SLC7A14: variants seen among roughly 807,000 people sequenced by gnomAD.
The protein encoded by SLC7A14 is gamma-aminobutyric acid transporter SLC7A14.
Under a neutral mutation model 60.2 loss-of-function variants are expected in SLC7A14, and 37 were observed. The observed-to-expected ratio is 0.61, with a 90% CI of 0.47 to 0.81. SLC7A14 has a LOEUF of 0.81. Ranked by LOEUF, SLC7A14 falls within the 30% of genes least tolerant of loss-of-function variation. The pLI, the probability that SLC7A14 is intolerant of heterozygous loss-of-function variation, is 0.00. For synonymous variants in SLC7A14, 399 were observed against 395.8 expected (o/e 1.01, Z -0.10); for missense variants, 886 against 982.7 (o/e 0.90, Z 1.32).
intron 2 of SLC7A14, among the ~76,000 whole-genome samples, chr3:170,506,467 C>T (rs573670614): frequency 2.6e-5 from 4 of 152,242 alleles, no homozygotes; most frequent in South Asian, 2.1e-4. Context: ...GGGAGATTCT[C>T]GATTTGCAAT....
At chr3:170,541,695 G>A (rs1480913198) in intron 1 of SLC7A14, among the ~76,000 whole-genome samples, 3 of 152,138 alleles carry the variant, frequency 2.0e-5, no homozygotes, top group African/African-American at 7.2e-5. Context: ...TCTTCTAAAG[G>A]CAGTATGGTA....
At chr3:170,497,288 GT>G (rs1311543573) in intron 4 of SLC7A14, among the ~76,000 whole-genome samples, 1 of 152,104 alleles carries the variant, frequency 6.6e-6, no homozygotes, top group Non-Finnish European at 1.5e-5. Flanking sequence ...CTTCTTTTGG[GT>G]TTAAGCAGTT....
chr3:170,566,423 A>G (rs933271129), intron 1 of SLC7A14, among the ~76,000 whole-genome samples: 2 of 152,192 alleles, frequency 1.3e-5, no homozygotes, highest in African/African-American at 4.8e-5. Context: ...AGTGATATGG[A>G]TGGTTAAACA....
In SLC7A14 at chr3:170,462,296, T is replaced by C. The variant is rs559053393; in HGVS notation, c.*4759A>G. The C allele has an allele frequency of 1.3e-5, 2 of 152,304 alleles. No individual in the cohort carries two copies. The highest frequency in any genetic ancestry group is 2.1e-4 in the South Asian group (1 of 4,822). 9.4% of individuals were successfully genotyped at this position (152,304 alleles called of 1,614,324 possible). A position where few individuals can be genotyped will look rare whatever the true frequency, so the allele number is the denominator to read the frequency against. On this transcript the variant is annotated 3_prime_UTR_variant, in exon 8 of 8. Transcript: ENST00000231706. ...AGATAAGAGGTGGTTTCTTGTAAGGTAGACTTCCAACAAATGTTGGATGTC... is the reference window on the plus strand; with the variant it reads ...AGATAAGAGGTGGTTTCTTGTAAGGCAGACTTCCAACAAATGTTGGATGTC...
chr3:170,526,357 A>G (rs1352388376), intron 2 of SLC7A14, among the ~76,000 whole-genome samples: 3 of 149,696 alleles, frequency 2.0e-5, no homozygotes, highest in Non-Finnish European at 3.0e-5. Context: ...AGCTGAGATC[A>G]TGCCACTGCA....
intron 1 of SLC7A14, among the ~76,000 whole-genome samples, chr3:170,556,810 A>G (rs1320018452): frequency 6.6e-6 from 1 of 152,186 alleles, no homozygotes; most frequent in East Asian, 1.9e-4. Flanking sequence ...CCATAGACAG[A>G]CACAGACACA....
At chr3:170,487,501 T>C (rs1329335230) in intron 4 of SLC7A14, among the ~76,000 whole-genome samples, 9 of 152,088 alleles carry the variant, frequency 5.9e-5, no homozygotes, top group Admixed American at 5.9e-4. Context: ...TTTTCTTTTC[T>C]CCACATTCAG....
chr3:170,465,811 T>C lies in SLC7A14; in HGVS notation c.*1244A>G, dbSNP rs1739703523. 6.6e-6 allele frequency: 1 copy of C among 152,216 alleles called. No homozygotes were observed. The highest frequency in any genetic ancestry group is 1.5e-5 in the Non-Finnish European group (1 of 68,034). 9.4% of individuals were successfully genotyped at this position (152,216 alleles called of 1,614,324 possible). On this transcript the variant is annotated 3_prime_UTR_variant, in exon 8 of 8. Coordinates refer to ENST00000231706, the MANE Select transcript of SLC7A14 (RefSeq NM_020949.3). ...GTAGCCCATGTGTGTTTTTTTCCTT[T>C]GCAAATTCTCTCATCTATTCTATTT...
intron 1 of SLC7A14, among the ~76,000 whole-genome samples, chr3:170,575,660 T>C (rs1715068552): frequency 6.6e-6 from 1 of 152,244 alleles, no homozygotes; most frequent in South Asian, 2.1e-4. Context: ...CAAAATGCTA[T>C]GAACTGAGAG....
chr3:170,540,031 G>A (rs975168838), intron 1 of SLC7A14, among the ~76,000 whole-genome samples: 4 of 152,144 alleles, frequency 2.6e-5, no homozygotes, highest in Non-Finnish European at 4.4e-5. Flanking sequence ...TGATAACTGA[G>A]ATGGCCACCA....
intron 1 of SLC7A14, among the ~76,000 whole-genome samples, chr3:170,550,297 A>G (rs561789200): frequency 8.5e-5 from 13 of 152,146 alleles, no homozygotes; most frequent in Non-Finnish European, 1.5e-4. Context: ...AGTAAAAAAT[A>G]CTCTTTAAGC....
intron 1 of SLC7A14, among the ~76,000 whole-genome samples, chr3:170,571,090 A>T (rs943476949): frequency 5.9e-5 from 9 of 152,196 alleles, no homozygotes; most frequent in African/African-American, 1.9e-4. Context: ...ACTCTCTTAA[A>T]CTAAACAAAA....
intron 2 of SLC7A14, among the ~76,000 whole-genome samples, chr3:170,525,651 G>A (rs757564146): frequency 5.9e-5 from 9 of 151,982 alleles, no homozygotes; most frequent in Non-Finnish European, 1.2e-4. Flanking sequence ...CCCTCAAGAG[G>A]ATTGACCTAT....
At chr3:170,553,871 T>A (rs1370347024) in intron 1 of SLC7A14, among the ~76,000 whole-genome samples, 1 of 151,676 alleles carries the variant, frequency 6.6e-6, no homozygotes, top group Non-Finnish European at 1.5e-5. Flanking sequence ...TTGGCATGGT[T>A]TGACATTTTA....
At chr3:170,583,797 C>T (rs1282158415) in intron 1 of SLC7A14, among the ~76,000 whole-genome samples, 7 of 152,260 alleles carry the variant, frequency 4.6e-5, no homozygotes, top group Non-Finnish European at 1.0e-4. Flanking sequence ...GTTGTGTGAA[C>T]AGTGGTATCT....
intron 2 of SLC7A14, among the ~76,000 whole-genome samples, chr3:170,520,597 C>T (rs868104964): frequency 2.6e-5 from 4 of 152,090 alleles, no homozygotes; most frequent in Non-Finnish European, 5.9e-5. Flanking sequence ...GAGTAGATGA[C>T]AAAAATTGTA....
chr3:170,467,131 G>A lies in SLC7A14; in HGVS notation c.2240C>T (p.Ala747Val), dbSNP rs764984886. The change falls in exon 8 of 8, where the codon GCG becomes GTG. Residue 747 changes from alanine to valine, a missense_variant. Transcript: ENST00000231706. ...AKANGRTSSK[A>V]KSKSKHKQNS... The stretch of plus-strand genomic sequence containing the variant: ...CTGTTTGTGTTTGCTTTTGCTCTTC[G>A]CTTTGCTACTTGTCCGGCCGTTTGC... 2.0e-5 allele frequency: 33 copies of A among 1,614,170 alleles called. No individual in the cohort carries two copies. Among genetic ancestry groups the A allele is most frequent in the East Asian group, 2.2e-5 (1 of 44,886 alleles).
intron 2 of SLC7A14, among the ~76,000 whole-genome samples, chr3:170,522,011 A>G (rs1269139829): frequency 6.6e-6 from 1 of 152,224 alleles, no homozygotes; most frequent in Non-Finnish European, 1.5e-5. Flanking sequence ...AACTCATAGA[A>G]AGATGTCCAA....
At chr3:170,468,204 C>T (rs1202460013) in intron 7 of SLC7A14, among the ~76,000 whole-genome samples, 1 of 152,276 alleles carries the variant, frequency 6.6e-6, no homozygotes, top group East Asian at 1.9e-4. Context: ...ACTTGCCCCC[C>T]TCGTTAATAT....
Sources: gnomAD v4.1 joint callset for allele counts (sites outside exome capture counted in the v4.1 genomes callset) on GRCh38, gnomAD v4.1.1 for gene constraint, MANE v1.5 for transcripts, NCBI Gene and HGNC (gene_info 2026-07-23, HGNC 2026-07-21) for gene names.